NAT10: variants seen among roughly 807,000 people sequenced by gnomAD.
The protein encoded by NAT10 is RNA cytidine acetyltransferase.
Under a neutral mutation model 132.2 loss-of-function variants are expected in NAT10, and 109 were observed. The observed-to-expected ratio is 0.82, with a 90% CI of 0.71 to 0.97. The LOEUF (loss-of-function observed/expected upper bound fraction) is 0.97, where lower values mean the gene tolerates loss of function less well. NAT10 is among the 50% of genes least tolerant of loss of function. The pLI, the probability that NAT10 is intolerant of heterozygous loss-of-function variation, is 0.00. For synonymous variants in NAT10, 479 were observed against 478.0 expected, an observed-to-expected ratio of 1.00 and a Z score of -0.03; for missense variants, 1,184 against 1,263.4, an observed-to-expected ratio of 0.94 and a Z score of 0.95.
At position 34,141,145 on chromosome 11, in the gene NAT10, G is replaced by A; in HGVS notation, c.2649G>A (p.Glu883=). Residue 883 remains glutamate, a synonymous_variant, in exon 25 of 29, where the codon GAG becomes GAA. Transcript: ENST00000257829. ...AGTCTGTGGACCAGCTGGAAAAGGA[G>A]ATTGAGCTGCCCTCGGGCCAGTTGA... ...QHKSVDQLEK[E]IELPSGQLMG... 1 of 1,614,070 alleles carries A rather than the reference G, an allele frequency of 6.2e-7. No homozygotes were observed. The highest frequency in any genetic ancestry group is 8.5e-7 in the Non-Finnish European group (1 of 1,180,018).
At chr11:34,121,001 G>T (rs1045691271) in intron 8 of NAT10, among the ~76,000 whole-genome samples, 1 of 152,178 alleles carries the variant, frequency 6.6e-6, no homozygotes. Flanking sequence ...GTGTCCCTCC[G>T]GTGTCCTAGG....
intron 21 of NAT10, 133 bp from the exon 22 acceptor site, chr11:34,139,058 C>T (rs1487789708): frequency 2.6e-6 from 2 of 768,248 alleles, no homozygotes; most frequent in South Asian, 1.7e-5. Flanking sequence ...AGGGCGCCTA[C>T]CCCCAGCCTG....
intron 1 of NAT10, among the ~76,000 whole-genome samples, chr11:34,106,421 A>T (rs76128150): frequency 2.8e-5 from 4 of 142,294 alleles, no homozygotes; most frequent in East Asian, 2.0e-4. Context: ...CAGTATAGCT[A>T]TTTTTTTTTT....
rs1038724831 is a variant in NAT10 at position 34,108,244 on chromosome 11, G to T, written c.19G>T (p.Asp7Tyr). The T allele has an allele frequency of 1.9e-6, 3 of 1,614,100 alleles. No homozygotes were observed. Among genetic ancestry groups the T allele is most frequent in the East Asian group, 2.2e-5 (1 of 44,884 alleles). Residue 7 changes from aspartate to tyrosine, a missense_variant, in exon 2 of 29, where the codon GAT (aspartate) becomes TAT (tyrosine). Physicochemically the swap from Asp to Tyr is radical, Grantham distance 160. Coordinates refer to ENST00000257829, the MANE Select transcript of NAT10 (RefSeq NM_024662.3). MHRKKVDNRIRILIENG... is the reference protein window; with the variant it reads MHRKKVYNRIRILIENG... The stretch of plus-strand genomic sequence containing the variant: ...TTTCACCATGCATCGGAAAAAGGTG[G>T]ATAACCGAATCCGGATTCTCATTGA...
In NAT10 at chr11:34,134,560, A is replaced by G. The variant is rs200962843; in HGVS notation, c.1885A>G (p.Ile629Val). 3.7e-6 allele frequency: 6 copies of G among 1,614,108 alleles called. No individual in the cohort carries two copies. Among genetic ancestry groups the G allele is most frequent in the East Asian group, 2.2e-5 (1 of 44,870 alleles). ...GGLSGGRVVR[I>V]AVHPDYQGMG... is the part of the protein sequence containing the mutation. Reference sequence around the variant, plus strand: ...TCTGTCTGGTGGAAGGGTCGTTCGCATTGCTGTTCACCCAGATTATCAAGG... The same window carrying G: ...TCTGTCTGGTGGAAGGGTCGTTCGCGTTGCTGTTCACCCAGATTATCAAGG... Residue 629 changes from isoleucine to valine, a missense_variant, in exon 18 of 29, where the codon ATT becomes GTT. Transcript: ENST00000257829.
Position 34,133,060 on chromosome 11 carries a change from C to T in NAT10, c.1652C>T (p.Ala551Val), listed in dbSNP as rs1231801236. 2 of 1,614,184 alleles carry T rather than the reference C, an allele frequency of 1.2e-6. No homozygotes were observed. The highest frequency in any genetic ancestry group is 1.7e-6 in the Non-Finnish European group (2 of 1,180,024). The change falls in exon 16 of 29, where the codon GCA becomes GTA. Residue 551 changes from alanine (A) to valine (V), a missense_variant. Ala to Val is a moderately conservative substitution (Grantham distance 64). Transcript: ENST00000257829. ...AATGATCTCCAGATGCTCTCCGATG[C>T]ACCTGCTCACCATCTCTTCTGCCTT... ...SPNDLQMLSD[A>V]PAHHLFCLLP...
chr11:34,120,398 G>A (rs1017696176), intron 8 of NAT10, among the ~76,000 whole-genome samples: 2 of 152,194 alleles, frequency 1.3e-5, no homozygotes, highest in East Asian at 3.8e-4. Context: ...TTCATCTGGA[G>A]AAACTCTGGC....
chr11:34,141,004 C>G (rs1224303522), intron 24 of NAT10, 85 bp from the exon 25 acceptor site: 84 of 1,580,984 alleles, frequency 5.3e-5, no homozygotes, highest in Non-Finnish European at 7.3e-5. Flanking sequence ...TAGCTTTGGT[C>G]AAGAGAGTAC....
Position 34,140,432 on chromosome 11 carries a change from C to T in NAT10, c.2452C>T (p.Leu818Phe). Residue 818 changes from leucine (L) to phenylalanine (F), a missense_variant, in exon 24 of 29, where the codon CTC becomes TTC. Transcript: ENST00000257829. ...CCGGGAGGAGCTGGAAGCACTCTTC[C>T]TCCCCTATGACCTGAAGCGGCTGGA... ...LSREELEALF[L>F]PYDLKRLEMY... 1.9e-6 allele frequency: 3 copies of T among 1,614,100 alleles called. No homozygotes were observed. The highest frequency in any genetic ancestry group is 2.5e-6 in the Non-Finnish European group (3 of 1,179,946).
rs1852187011 is a variant in NAT10 at position 34,135,209 on chromosome 11, A to G, written c.1946A>G (p.Gln649Arg). 1.2e-6 allele frequency: 2 copies of G among 1,614,062 alleles called. No homozygotes were observed. Among genetic ancestry groups the G allele is most frequent in the African/African-American group, 2.7e-5 (2 of 74,920 alleles). The change falls in exon 19 of 29, where the codon CAG becomes CGG. Residue 649 changes from glutamine (Q) to arginine (R), a missense_variant. Gln to Arg is a conservative substitution (Grantham distance 43). Coordinates refer to ENST00000257829, the MANE Select transcript of NAT10 (RefSeq NM_024662.3). ...GGCAGCCGTGCTCTGCAGCTGCTGC[A>G]GATGTACTATGAAGGCAGGTTTCCT... ...GYGSRALQLL[Q>R]MYYEGRFPCL... is the part of the protein sequence containing the mutation.
chr11:34,122,434 A>G (rs1851910229), intron 8 of NAT10, 25 bp from the exon 9 acceptor site: 3 of 1,613,676 alleles, frequency 1.9e-6, no homozygotes, highest in Non-Finnish European at 1.7e-6. Context: ...CTTGGAGTTC[A>G]CCTAATATGT....
chr11:34,114,428 T>A (rs147126488), intron 5 of NAT10, among the ~76,000 whole-genome samples: 27 of 152,310 alleles, frequency 1.8e-4, no homozygotes, highest in South Asian at 1.0e-3. Context: ...CATGCCCATG[T>A]CCAGCAGCTC....
At chr11:34,111,272 G>A (rs1035050137) in intron 3 of NAT10, among the ~76,000 whole-genome samples, 1 of 152,234 alleles carries the variant, frequency 6.6e-6, no homozygotes, top group African/African-American at 2.4e-5. Context: ...CTTAAGGCCT[G>A]AGCCAGAAGG....
intron 25 of NAT10, 140 bp from the exon 26 acceptor site, chr11:34,141,579 C>T: frequency 1.4e-6 from 1 of 735,720 alleles, no homozygotes. Flanking sequence ...CCGCTAATAT[C>T]CACATTCCTA....
intron 5 of NAT10, among the ~76,000 whole-genome samples, chr11:34,114,332 A>T (rs1851747911): frequency 6.6e-6 from 1 of 152,192 alleles, no homozygotes; most frequent in Non-Finnish European, 1.5e-5. Context: ...ATGGTGAGGA[A>T]TTAGGGATAT....
chr11:34,139,132 T>C lies in NAT10; in HGVS notation c.2212-59T>C, dbSNP rs188953914. On this transcript the variant is annotated intron_variant, in intron 21 of 28. Transcript: ENST00000257829. ...TCTCTGAGTGTTTACCCTTCATCAA[T>C]GATGGGTTATTCAAAAAAAGGGGGT... 1.4e-4 allele frequency: 208 copies of C among 1,444,130 alleles called. 2 individuals are homozygous for C. In the Admixed American group the frequency reaches 2.0e-3, roughly 14 times the overall value. The allele number at this position is 1,444,130 out of a possible 1,614,324, so 89.5% of individuals were successfully genotyped here.
At chr11:34,109,979 G>C (rs1301030013) in intron 3 of NAT10, among the ~76,000 whole-genome samples, 2 of 152,172 alleles carry the variant, frequency 1.3e-5, no homozygotes, top group Non-Finnish European at 2.9e-5. Flanking sequence ...GGAGGGTGGG[G>C]TTGGTCATAG....
At position 34,137,003 on chromosome 11, in the gene NAT10, C is replaced by T; in HGVS notation, c.2188C>T (p.Pro730Ser). ...LKFWKRAGFV[P>S]VYLRQTPNDL... ...GTTCTGGAAACGAGCTGGATTTGTT[C>T]CTGTTTATCTGAGACAGACCCCGGT... is the stretch of plus-strand genomic sequence containing the variant. Residue 730 changes from proline (P) to serine (S), a missense_variant, in exon 21 of 29, where the codon CCT becomes TCT. Coordinates refer to ENST00000257829, the MANE Select transcript of NAT10 (RefSeq NM_024662.3). 1 of 1,614,162 alleles carries T rather than the reference C, an allele frequency of 6.2e-7. No homozygotes were observed. The highest frequency in any genetic ancestry group is 1.1e-5 in the South Asian group (1 of 91,076).
At chr11:34,113,614 G>A (rs1194426976) in intron 4 of NAT10, 102 bp from the exon 5 acceptor site, 42 of 1,376,424 alleles carry the variant, frequency 3.1e-5, no homozygotes, top group Non-Finnish European at 3.9e-5. Context: ...TCCAGCCTGG[G>A]CGACAGAGCA....
Sources: allele counts gnomAD v4.1 joint callset (sites outside exome capture counted in the v4.1 genomes callset), GRCh38; gene constraint gnomAD v4.1.1; transcripts MANE v1.5; gene names NCBI Gene and HGNC (gene_info 2026-07-23, HGNC 2026-07-21).